DPYD: variants seen among roughly 807,000 people sequenced by gnomAD.
The protein encoded by DPYD is dihydropyrimidine dehydrogenase.
In DPYD, 109 loss-of-function variants were observed where a neutral mutation model predicts 116.2. That is an observed-to-expected ratio of 0.94 (90% CI 0.80 to 1.10). The LOEUF is 1.10. DPYD is among the 50% of genes least tolerant of loss of function. The pLI is 0.00. For missense variants in DPYD, 1,302 were observed against 1,254.5 expected (o/e 1.04, Z -0.57); for synonymous variants, 440 against 432.0 (o/e 1.02, Z -0.23).
chr1:97,221,335 A>C (rs1227193006), intron 19 of DPYD, among the ~76,000 whole-genome samples: 1 of 152,176 alleles, frequency 6.6e-6, no homozygotes, highest in East Asian at 1.9e-4. Context: ...AATAGAAATC[A>C]GGTAACATGG....
At chr1:97,114,516 G>A (rs1474086535) in intron 20 of DPYD, among the ~76,000 whole-genome samples, 3 of 152,122 alleles carry the variant, frequency 2.0e-5, no homozygotes, top group African/African-American at 7.2e-5. Context: ...GTCTTTGCAT[G>A]AGTTAAATAT....
At chr1:97,774,285 T>A (rs1666287721) in intron 3 of DPYD, among the ~76,000 whole-genome samples, 1 of 152,214 alleles carries the variant, frequency 6.6e-6, no homozygotes, top group South Asian at 2.1e-4. Flanking sequence ...CACCTCTCTC[T>A]CTTTCCTGTG....
At chr1:97,082,716 G>A (rs1033473907) in intron 21 of DPYD, among the ~76,000 whole-genome samples, 4 of 152,046 alleles carry the variant, frequency 2.6e-5, no homozygotes, top group African/African-American at 9.7e-5. Context: ...CATTCAATAG[G>A]TTTTTGACTG....
chr1:97,218,074 C>G lies in DPYD; in HGVS notation c.2442+16778G>C, dbSNP rs114554827. Among the ~76,000 whole-genome samples the G allele has an allele frequency of 8.3e-3, 1,267 of 152,278 alleles. 24 individuals carry two copies. Among genetic ancestry groups the G allele is most frequent in the African/African-American group, 0.029 (1,222 of 41,552 alleles). ...AAAACTTCAAAGCTCCTTCTCTTAA[C>G]TACCATAGTATACATGACAACAGAA... On this transcript the variant is annotated intron_variant, in intron 19 of 22. Coordinates refer to ENST00000370192, the MANE Select transcript of DPYD (RefSeq NM_000110.4).
chr1:97,361,529 G>A (rs925127050), intron 16 of DPYD, among the ~76,000 whole-genome samples: 1 of 152,174 alleles, frequency 6.6e-6, no homozygotes, highest in Admixed American at 6.5e-5. Flanking sequence ...CAAAAACCCT[G>A]ATGAATATCG....
intron 5 of DPYD, among the ~76,000 whole-genome samples, chr1:97,699,840 A>C (rs1661496116): frequency 6.6e-6 from 1 of 152,006 alleles, no homozygotes; most frequent in Non-Finnish European, 1.5e-5. Flanking sequence ...CTACAGCATA[A>C]TCTGTATGTC....
intron 1 of DPYD, among the ~76,000 whole-genome samples, chr1:97,909,224 G>A (rs760887906): frequency 2.0e-5 from 3 of 151,918 alleles, no homozygotes; most frequent in Non-Finnish European, 2.9e-5. Context: ...ACCATCCATT[G>A]GAAGAGGGAA....
chr1:97,157,052 G>A (rs1354074652), intron 20 of DPYD, among the ~76,000 whole-genome samples: 1 of 145,430 alleles, frequency 6.9e-6, no homozygotes, highest in Non-Finnish European at 1.5e-5. Flanking sequence ...TCACTCATAG[G>A]TGGGAATTGA....
chr1:97,764,436 G>T (rs1441407441), intron 3 of DPYD, among the ~76,000 whole-genome samples: 1 of 151,896 alleles, frequency 6.6e-6, no homozygotes, highest in Non-Finnish European at 1.5e-5. Flanking sequence ...TATCTATTCT[G>T]GTTTAGTACA....
chr1:97,227,905 C>T (rs1485938073), intron 19 of DPYD, among the ~76,000 whole-genome samples: 1 of 151,766 alleles, frequency 6.6e-6, no homozygotes, highest in African/African-American at 2.4e-5. Flanking sequence ...CATTTAATTC[C>T]TCAATTAGCA....
chr1:97,630,195 G>A (rs139738104), intron 8 of DPYD, among the ~76,000 whole-genome samples: 27 of 151,568 alleles, frequency 1.8e-4, no homozygotes, highest in African/African-American at 6.3e-4. Context: ...GAAATATAAA[G>A]CACTATATAA....
At chr1:97,413,427 T>C (rs927020715) in intron 14 of DPYD, among the ~76,000 whole-genome samples, 2 of 152,160 alleles carry the variant, frequency 1.3e-5, no homozygotes, top group South Asian at 2.1e-4. Flanking sequence ...ATTCACAATA[T>C]AGTAGAGGTA....
chr1:97,296,361 A>T (rs1666530569), intron 18 of DPYD, among the ~76,000 whole-genome samples: 1 of 152,170 alleles, frequency 6.6e-6, no homozygotes, highest in African/African-American at 2.4e-5. Context: ...TTTAGGTAAA[A>T]TGACTATAAT....
chr1:97,335,345 C>T (rs12734766), intron 16 of DPYD, among the ~76,000 whole-genome samples: 5 of 148,698 alleles, frequency 3.4e-5, no homozygotes, highest in African/African-American at 1.2e-4. Flanking sequence ...CACACACACA[C>T]GATGCCTGGG....
At chr1:97,248,937 G>A (rs1662899836) in intron 18 of DPYD, among the ~76,000 whole-genome samples, 1 of 152,064 alleles carries the variant, frequency 6.6e-6, no homozygotes, top group Non-Finnish European at 1.5e-5. Context: ...AAATATTTCT[G>A]AGAAAAATTC....
intron 11 of DPYD, among the ~76,000 whole-genome samples, chr1:97,561,258 C>A (rs942217472): frequency 6.6e-6 from 1 of 152,154 alleles, no homozygotes; most frequent in Non-Finnish European, 1.5e-5. Flanking sequence ...CAGCGTCTGA[C>A]CATTCCCTGA....
At chr1:97,260,087 T>C (rs1663779071) in intron 18 of DPYD, among the ~76,000 whole-genome samples, 1 of 152,132 alleles carries the variant, frequency 6.6e-6, no homozygotes. Flanking sequence ...GCGCTGTAGG[T>C]TATAAGATTG....
At chr1:97,227,331 C>CAAAAAAAAAAAAAA (rs60992225) in intron 19 of DPYD, among the ~76,000 whole-genome samples, 9 of 26,374 alleles carry the variant, frequency 3.4e-4, no homozygotes, top group South Asian at 1.6e-3. Context: ...GACTCTATCT[C>CAAAAAAAAAAAAAA]AAAAAAAAAA....
At chr1:97,822,316 A>G (rs886252749) in intron 3 of DPYD, among the ~76,000 whole-genome samples, 3 of 148,216 alleles carry the variant, frequency 2.0e-5, no homozygotes, top group Non-Finnish European at 4.5e-5. Context: ...AATATATTAT[A>G]TATCTGTATA....
Sources: allele counts gnomAD v4.1 joint callset (sites outside exome capture counted in the v4.1 genomes callset), GRCh38; gene constraint gnomAD v4.1.1; transcripts MANE v1.5; gene names NCBI Gene and HGNC (gene_info 2026-07-23, HGNC 2026-07-21).